KLHL13: variants seen among roughly 807,000 people sequenced by gnomAD.
KLHL13 encodes kelch-like protein 13.
Under a neutral mutation model 37.1 loss-of-function variants are expected in KLHL13, and 10 were observed. That is an observed-to-expected ratio of 0.27 (90% CI 0.17 to 0.46). The LOEUF (loss-of-function observed/expected upper bound fraction) is 0.46, where lower values mean the gene tolerates loss of function less well. KLHL13 is among the 20% of genes least tolerant of loss of function. The probability of loss-of-function intolerance (pLI) is 1.00; values close to 1 mark genes in which losing one functional copy is unlikely to be tolerated. For synonymous variants in KLHL13, 163 were observed against 181.2 expected (o/e 0.90, Z 0.81); for missense variants, 360 against 509.3 (o/e 0.71, Z 2.82).
At chrX:118,093,897 G>C (rs1265462956) in intron 1 of KLHL13, among the ~76,000 whole-genome samples, 1 of 109,298 alleles carries the variant, frequency 9.1e-6, no homozygotes, top group African/African-American at 3.3e-5. Context: ...CGGGGGTGGA[G>C]ACAAGATGGC....
At chrX:118,106,251 C>T (rs2055346004) in intron 1 of KLHL13, among the ~76,000 whole-genome samples, 1 of 110,343 alleles carries the variant, frequency 9.1e-6, no homozygotes, top group Non-Finnish European at 1.9e-5. Flanking sequence ...TAAAGGCCTA[C>T]TCTTAGCTCC....
chrX:117,920,194 C>T, intron 3 of KLHL13, 44 bp downstream of exon 4: 1 of 1,156,206 alleles, frequency 8.6e-7, no homozygotes, highest in Non-Finnish European at 1.2e-6. Flanking sequence ...ACGGATTTTT[C>T]ATATTGTTTT....
intron 1 of KLHL13, among the ~76,000 whole-genome samples, chrX:118,052,521 C>CAA (rs34474188): frequency 4.6e-5 from 3 of 65,285 alleles, no homozygotes; most frequent in African/African-American, 1.1e-4. Flanking sequence ...GACTCCGTCT[C>CAA]AAAAAAAAAA....
chrX:118,066,165 T>A (rs1228375533), intron 1 of KLHL13, among the ~76,000 whole-genome samples: 1 of 111,983 alleles, frequency 8.9e-6, no homozygotes, highest in Non-Finnish European at 1.9e-5. Context: ...AGACATGAAA[T>A]CTGTTTAGTG....
intron 1 of KLHL13, among the ~76,000 whole-genome samples, chrX:118,053,171 C>T (rs1419873402): frequency 8.9e-6 from 1 of 111,991 alleles, no homozygotes; most frequent in Non-Finnish European, 1.9e-5. Flanking sequence ...AAACATGCTG[C>T]TATAAAGACG....
At chrX:118,095,948 T>C (rs1263844381) in intron 1 of KLHL13, among the ~76,000 whole-genome samples, 1 of 112,121 alleles carries the variant, frequency 8.9e-6, no homozygotes, top group Non-Finnish European at 1.9e-5. Flanking sequence ...GGGAAATTTA[T>C]AGCACTAAAT....
chrX:118,017,520 A>G (rs1034739214), intron 1 of KLHL13, among the ~76,000 whole-genome samples: 1 of 111,508 alleles, frequency 9.0e-6, no homozygotes, highest in Non-Finnish European at 1.9e-5. Flanking sequence ...AGATGAGAGT[A>G]GCTTGAACTA....
chrX:118,010,035 A>G (rs1249139928), intron 1 of KLHL13, among the ~76,000 whole-genome samples: 3 of 109,981 alleles, frequency 2.7e-5, no homozygotes, highest in East Asian at 5.8e-4. Context: ...CAAAACCACT[A>G]TGAGATACCA....
intron 1 of KLHL13, among the ~76,000 whole-genome samples, chrX:117,965,566 C>T (rs1052710544): frequency 5.3e-4 from 59 of 111,284 alleles, no homozygotes; most frequent in Non-Finnish European, 8.5e-4. Context: ...AGGCCAGCAT[C>T]ATCCTGATAC....
exon 5 of KLHL13, chrX:117,909,794 C>G: frequency 1.7e-6 from 2 of 1,211,775 alleles, no homozygotes; most frequent in Non-Finnish European, 2.2e-6. Context: ...AATTAATGAG[C>G]TCCTGTGGTG....
chrX:117,966,197 C>T (rs1434514305), intron 1 of KLHL13, among the ~76,000 whole-genome samples: 2 of 110,613 alleles, frequency 1.8e-5, no homozygotes, highest in Non-Finnish European at 1.9e-5. Flanking sequence ...AAGTCTCCTC[C>T]TAACTTCAGC....
At chrX:118,066,962 G>C (rs987418020) in intron 1 of KLHL13, among the ~76,000 whole-genome samples, 6 of 111,631 alleles carry the variant, frequency 5.4e-5, no homozygotes, top group Non-Finnish European at 7.5e-5. Flanking sequence ...TATACATAGA[G>C]AGTTTCCAAT....
intron 2 of KLHL13, among the ~76,000 whole-genome samples, chrX:117,922,799 C>T (rs1931793945): frequency 8.9e-6 from 1 of 111,742 alleles, no homozygotes; most frequent in Admixed American, 9.5e-5. Context: ...AGTCAAAATA[C>T]AGAAGGATAT....
At chrX:118,053,311 T>C (rs919577166) in intron 1 of KLHL13, among the ~76,000 whole-genome samples, 1 of 111,865 alleles carries the variant, frequency 8.9e-6, no homozygotes, top group Non-Finnish European at 1.9e-5. Flanking sequence ...TATGCAGCCA[T>C]AAAAAATGAT....
chrX:118,101,390 A>C (rs141802658), intron 1 of KLHL13, among the ~76,000 whole-genome samples: 1 of 111,740 alleles, frequency 8.9e-6, no homozygotes, highest in African/African-American at 3.3e-5. Context: ...CAGATAACTG[A>C]GTTAGCCCCT....
upstream of KLHL13, chrX:117,973,887 T>G: frequency 1.7e-5 from 3 of 178,379 alleles, no homozygotes; most frequent in South Asian, 3.2e-4. Flanking sequence ...AGACCAACAC[T>G]GCTGGCCAAG....
chrX:118,027,650 C>CAT (rs757952420), intron 1 of KLHL13, among the ~76,000 whole-genome samples: 1 of 89,306 alleles, frequency 1.1e-5, no homozygotes, highest in Non-Finnish European at 2.0e-5. Flanking sequence ...TCCACACATA[C>CAT]ACACACACAC....
At chrX:118,023,640 C>A (rs963117499) in intron 1 of KLHL13, among the ~76,000 whole-genome samples, 7 of 111,680 alleles carry the variant, frequency 6.3e-5, no homozygotes, top group African/African-American at 2.0e-4. Flanking sequence ...ACGATCTCAG[C>A]TCACTGCAAC....
chrX:118,031,579 A>AT (rs1198731451), intron 1 of KLHL13, among the ~76,000 whole-genome samples: 5 of 84,869 alleles, frequency 5.9e-5, no homozygotes, highest in Non-Finnish European at 9.2e-5. Flanking sequence ...TATTAGTTAT[A>AT]TATATATTTA....
Sources: allele counts gnomAD v4.1 joint callset (sites outside exome capture counted in the v4.1 genomes callset), GRCh38; gene constraint gnomAD v4.1.1; transcripts MANE v1.5; gene names NCBI Gene and HGNC (gene_info 2026-07-23, HGNC 2026-07-21).